ADRA1D: variants seen among roughly 807,000 people sequenced by gnomAD.
ADRA1D encodes the protein alpha-1D adrenergic receptor.
ADRA1D carries 22 observed loss-of-function variants against 18.6 expected under a neutral mutation model. The observed-to-expected ratio is 1.19, with a 90% CI of 0.85 to 1.69. The LOEUF is 1.69. Among genes scored for constraint, ADRA1D ranks in the 40% most tolerant of loss-of-function variants. The pLI is 0.00. For synonymous variants in ADRA1D, 376 were observed against 388.2 expected (o/e 0.97, Z 0.37); for missense variants, 840 against 840.7 (o/e 1.00, Z 0.01).
chr20:4,247,774 G>C, intron 1 of ADRA1D, 73 bp downstream of exon 1: 3 of 1,415,434 alleles, frequency 2.1e-6, no homozygotes, highest in Non-Finnish European at 2.8e-6. Flanking sequence ...GGTCGCCCAA[G>C]TCTGGGTGCC....
At chr20:4,227,700 C>CTTCCT (rs1826586858) in intron 1 of ADRA1D, among the ~76,000 whole-genome samples, 1 of 31,520 alleles carries the variant, frequency 3.2e-5, no homozygotes, top group East Asian at 1.7e-3. Flanking sequence ...CCCTCCCTCC[C>CTTCCT]TCCCTCCTTC....
chr20:4,248,815 C>T lies in ADRA1D; in HGVS notation c.143G>A (p.Gly48Glu). ...CACGCCGCCGCCGCCGCCCGCGCCC[C>T]CCGGCACGCCGCCCACCGCCGGGCC... ...SEGPAVGGVPGGAGGGGGVVG... is the reference protein window; with the variant it reads ...SEGPAVGGVPEGAGGGGGVVG... The change falls in exon 1 of 2, where the codon GGG becomes GAG. Residue 48 changes from glycine to glutamate, a missense_variant. By Grantham distance (98) the Gly-to-Glu change is moderately conservative (BLOSUM62 -2). Transcript: ENST00000379453. 4 of 1,059,274 alleles carry T rather than the reference C, an allele frequency of 3.8e-6. No homozygotes were observed. Among genetic ancestry groups the T allele is most frequent in the Non-Finnish European group, 4.5e-6 (4 of 880,250 alleles). The allele number at this position is 1,059,274 out of a possible 1,614,324, so 65.6% of individuals were successfully genotyped here.
intron 1 of ADRA1D, among the ~76,000 whole-genome samples, chr20:4,226,381 T>A (rs1275835385): frequency 6.6e-6 from 1 of 152,152 alleles, no homozygotes; most frequent in Non-Finnish European, 1.5e-5. Flanking sequence ...AGTTTTTAAT[T>A]TGGGAGGTAA....
At chr20:4,238,375 C>T (rs958122189) in intron 1 of ADRA1D, among the ~76,000 whole-genome samples, 7 of 152,030 alleles carry the variant, frequency 4.6e-5, no homozygotes, top group South Asian at 2.1e-4. Flanking sequence ...GACTACAGTG[C>T]TAAGTGGGGG....
intron 1 of ADRA1D, among the ~76,000 whole-genome samples, chr20:4,243,432 T>G (rs1981264760): frequency 6.6e-6 from 1 of 152,180 alleles, no homozygotes; most frequent in Non-Finnish European, 1.5e-5. Context: ...CCGCACCAGC[T>G]TGCTGCGGTG....
chr20:4,233,543 A>T (rs561238029), intron 1 of ADRA1D, among the ~76,000 whole-genome samples: 1 of 151,840 alleles, frequency 6.6e-6, no homozygotes, highest in Admixed American at 6.6e-5. Context: ...GCACCATGAG[A>T]TCTGTTAGAA....
At chr20:4,229,860 T>C (rs1189960365) in intron 1 of ADRA1D, among the ~76,000 whole-genome samples, 2 of 151,904 alleles carry the variant, frequency 1.3e-5, no homozygotes, top group Non-Finnish European at 2.9e-5. Flanking sequence ...GTCACGTCAC[T>C]CCTCTGCTCA....
At position 4,239,499 on chromosome 20, in the gene ADRA1D, A is replaced by T. The variant is rs1981166454; in HGVS notation, c.1111+8348T>A. The stretch of plus-strand genomic sequence containing the variant: ...CAGCTCAGTCATCTTCCATTGAAAC[A>T]GACTAGGGCTCTTTAGGGAAATGGC... On this transcript the variant is annotated intron_variant, in intron 1 of 1. Transcript: ENST00000379453. This position sits in a 1 kb window ranked among gnomAD's most constrained non-coding sequence, Gnocchi z 4.9. Among the ~76,000 whole-genome samples, 1 of 152,264 alleles carries T rather than the reference A, an allele frequency of 6.6e-6. No homozygotes were observed. Among genetic ancestry groups the T allele is most frequent in the Admixed American group, 6.5e-5 (1 of 15,288 alleles).
In ADRA1D at chr20:4,248,432, C is replaced by T. The variant is rs1981403475; in HGVS notation, c.526G>A (p.Asp176Asn). Residue 176 changes from aspartate to asparagine, a missense_variant, in exon 1 of 2, where the codon GAC becomes AAC. Physicochemically the swap from Asp to Asn is conservative, Grantham distance 23. Coordinates refer to ENST00000379453, the MANE Select transcript of ADRA1D (RefSeq NM_000678.4). ...ATGGAGGCCGTGCAGCACAGCACGT[C>T]CACGGCGGCCCATACGTCGCAGAAG... ...RAFCDVWAAV[D>N]VLCCTASILS... is the part of the protein sequence containing the mutation. 1 of 1,611,528 alleles carries T rather than the reference C, an allele frequency of 6.2e-7. No homozygotes were observed. The highest frequency in any genetic ancestry group is 8.5e-7 in the Non-Finnish European group (1 of 1,179,006).
Position 4,221,352 on chromosome 20 carries a change from C to G in ADRA1D, c.*171G>C. ...GGGGGCCCCACTACTTTTCACCTTTCAAGGGCTCCAGCCTCAAGCTCTGCC... is the reference window on the plus strand; with the variant it reads ...GGGGGCCCCACTACTTTTCACCTTTGAAGGGCTCCAGCCTCAAGCTCTGCC... On this transcript the variant is annotated 3_prime_UTR_variant, in exon 2 of 2. Coordinates refer to ENST00000379453, the MANE Select transcript of ADRA1D (RefSeq NM_000678.4). The G allele has an allele frequency of 1.4e-6, 1 of 719,382 alleles. No homozygotes were observed. The highest frequency in any genetic ancestry group is 2.6e-5 in the South Asian group (1 of 38,078). 44.6% of individuals were successfully genotyped at this position (719,382 alleles called of 1,614,324 possible). A position where few individuals can be genotyped will look rare whatever the true frequency, so the allele number is the denominator to read the frequency against.
At position 4,247,952 on chromosome 20, in the gene ADRA1D, G is replaced by C; in HGVS notation, c.1006C>G (p.Arg336Gly). Reference sequence around the variant, plus strand: ...TTCTCACGGGAGAACTTGAGCAGGCGCACGGAGAGCGAGCTGCGGAAGGTG... The same window carrying C: ...TTCTCACGGGAGAACTTGAGCAGGCCCACGGAGAGCGAGCTGCGGAAGGTG... ...GHTFRSSLSV[R>G]LLKFSREKKA... Residue 336 changes from arginine to glycine, a missense_variant, in exon 1 of 2, where the codon CGC becomes GGC. Coordinates refer to ENST00000379453, the MANE Select transcript of ADRA1D (RefSeq NM_000678.4). 1 of 1,595,874 alleles carries C rather than the reference G, an allele frequency of 6.3e-7. No individual in the cohort carries two copies. The highest frequency in any genetic ancestry group is 8.5e-7 in the Non-Finnish European group (1 of 1,171,772).
chr20:4,247,768 G>A (rs1600853779), intron 1 of ADRA1D, 79 bp downstream of exon 1: 17 of 1,400,290 alleles, frequency 1.2e-5, no homozygotes, highest in Non-Finnish European at 1.5e-5. Flanking sequence ...GGTGGGGGTC[G>A]CCCAAGTCTG....
chr20:4,247,832 A>G lies in ADRA1D; in HGVS notation c.1111+15T>C, dbSNP rs183188997. 3 of 1,511,102 alleles carry G rather than the reference A, an allele frequency of 2.0e-6. No homozygotes were observed. The Admixed American group carries it at 6.6e-5, about 33-fold the overall frequency. The allele number at this position is 1,511,102 out of a possible 1,614,324, so 93.6% of individuals were successfully genotyped here. On this transcript the variant is annotated intron_variant, in intron 1 of 1. Transcript: ENST00000379453. The stretch of plus-strand genomic sequence containing the variant: ...AGGGAGAACAGGAGGGGCCGGTGGG[A>G]GAGGGGTCACTCACCGAGCGGCAGG...
At chr20:4,241,685 C>A (rs1216475119) in intron 1 of ADRA1D, among the ~76,000 whole-genome samples, 1 of 152,146 alleles carries the variant, frequency 6.6e-6, no homozygotes, top group African/African-American at 2.4e-5. Flanking sequence ...ACAAAGCATC[C>A]CTTGCCTCTC....
chr20:4,231,090 T>TCTTTCTTTCTCTCTCTCTCTCTC (rs1318670027), intron 1 of ADRA1D, among the ~76,000 whole-genome samples: 83 of 67,688 alleles, frequency 1.2e-3, no homozygotes, highest in East Asian at 2.8e-3. Context: ...CTCTTTTCTT[T>TCTTTCTTTCTCTCTCTCTCTCTC]TCTTTTCTTT....
At chr20:4,230,711 C>T (rs1012300816) in intron 1 of ADRA1D, among the ~76,000 whole-genome samples, 14 of 152,226 alleles carry the variant, frequency 9.2e-5, no homozygotes, top group Non-Finnish European at 1.9e-4. Context: ...CAAGGAAACA[C>T]AACGTTTCTA....
intron 1 of ADRA1D, among the ~76,000 whole-genome samples, chr20:4,237,801 C>T (rs1000050181): frequency 1.9e-4 from 29 of 151,010 alleles, no homozygotes; most frequent in African/African-American, 6.6e-4. Context: ...ATAGCTGGGA[C>T]TACAGGCACA....
chr20:4,244,671 CCT>C (rs1429962042), intron 1 of ADRA1D, among the ~76,000 whole-genome samples: 1 of 152,250 alleles, frequency 6.6e-6, no homozygotes, highest in African/African-American at 2.4e-5. Context: ...TCCTCCCAGG[CCT>C]GGGCCTCATG....
chr20:4,246,537 G>A (rs1297524273), intron 1 of ADRA1D, among the ~76,000 whole-genome samples: 1 of 152,126 alleles, frequency 6.6e-6, no homozygotes, highest in Admixed American at 6.5e-5. Flanking sequence ...CCAGAGCAGA[G>A]GGAAGCGGCA....
Sources: gnomAD v4.1 joint callset for allele counts (sites outside exome capture counted in the v4.1 genomes callset) on GRCh38, gnomAD v4.1.1 for gene constraint, Gnocchi (gnomAD v3.1) non-coding constraint, MANE v1.5 for transcripts, NCBI Gene and HGNC (gene_info 2026-07-23, HGNC 2026-07-21) for gene names.